The following ROCK2 variants were observed in gnomAD, a reference collection of about 807,000 sequenced individuals.
ROCK2 encodes the protein rho-associated protein kinase 2.
A neutral mutation model predicts 195.1 loss-of-function variants in ROCK2; 61 were observed. That is an observed-to-expected ratio of 0.31 (90% CI 0.25 to 0.39). The LOEUF (loss-of-function observed/expected upper bound fraction) is 0.39. Ranked by LOEUF, ROCK2 falls within the 10% of genes least tolerant of loss-of-function variation. The pLI is 1.00. For synonymous variants in ROCK2, 504 were observed against 545.5 expected, an observed-to-expected ratio of 0.92 and a Z score of 1.06; for missense variants, 1,109 against 1,637.4, an observed-to-expected ratio of 0.68 and a Z score of 5.57.
At chr2:11,265,385 TCTA>T (rs1434212940) in intron 3 of ROCK2, among the ~76,000 whole-genome samples, 1 of 152,214 alleles carries the variant, frequency 6.6e-6, no homozygotes, top group Non-Finnish European at 1.5e-5. Context: ...TTCTCATTAT[TCTA>T]CTGTGAACAT....
intron 1 of ROCK2, among the ~76,000 whole-genome samples, chr2:11,302,582 C>T (rs1572383919): frequency 1.3e-5 from 2 of 152,228 alleles, no homozygotes; most frequent in South Asian, 4.2e-4. Context: ...TTCACATTTG[C>T]TCTAGATTTG....
At chr2:11,219,641 T>C (rs1290604937) in intron 9 of ROCK2, among the ~76,000 whole-genome samples, 3 of 152,106 alleles carry the variant, frequency 2.0e-5, no homozygotes, top group African/African-American at 4.8e-5. Context: ...CTTCATCTTA[T>C]TATCTCATTT....
chr2:11,207,633 G>A (rs1179730109), intron 20 of ROCK2, 93 bp downstream of exon 20: 2 of 954,754 alleles, frequency 2.1e-6, no homozygotes, highest in African/African-American at 3.3e-5. Context: ...GGTCTAGAAA[G>A]TAAAATGCTC....
intron 3 of ROCK2, among the ~76,000 whole-genome samples, chr2:11,259,234 A>G (rs1666139262): frequency 6.6e-6 from 1 of 151,360 alleles, no homozygotes; most frequent in Non-Finnish European, 1.5e-5. Context: ...ACTTTGGGAA[A>G]AGCTGCTCTA....
chr2:11,241,836 A>G (rs1447891781), intron 4 of ROCK2, among the ~76,000 whole-genome samples: 1 of 152,232 alleles, frequency 6.6e-6, no homozygotes, highest in Non-Finnish European at 1.5e-5. Flanking sequence ...TAATGACGGT[A>G]TAACACCGTC....
chr2:11,298,717 G>A (rs1358233184), intron 1 of ROCK2, among the ~76,000 whole-genome samples: 1 of 152,076 alleles, frequency 6.6e-6, no homozygotes, highest in Non-Finnish European at 1.5e-5. Context: ...GGAGGGAGCA[G>A]GTTATGAGAA....
chr2:11,210,322 T>TC (rs1664205043), intron 18 of ROCK2, among the ~76,000 whole-genome samples: 1 of 150,824 alleles, frequency 6.6e-6, no homozygotes, highest in Admixed American at 6.6e-5. Flanking sequence ...ATGAAAATAG[T>TC]CCTTTTTTTT....
chr2:11,271,891 G>C (rs1169180094), intron 3 of ROCK2, among the ~76,000 whole-genome samples: 4 of 151,996 alleles, frequency 2.6e-5, no homozygotes, highest in African/African-American at 4.8e-5. Flanking sequence ...GTGGTGGCGG[G>C]CACCTGTAGT....
intron 5 of ROCK2, among the ~76,000 whole-genome samples, chr2:11,229,029 T>G (rs1558309824): frequency 6.6e-6 from 1 of 152,112 alleles, no homozygotes; most frequent in Non-Finnish European, 1.5e-5. Flanking sequence ...AATGTAAAGT[T>G]CTACACAATG....
chr2:11,233,410 G>A (rs576773417), intron 5 of ROCK2, among the ~76,000 whole-genome samples: 18 of 152,286 alleles, frequency 1.2e-4, no homozygotes, highest in African/African-American at 4.3e-4. Context: ...CTAGTAGTAA[G>A]TAGTTAGAAA....
At chr2:11,213,157 C>T (rs1275093428) in intron 17 of ROCK2, among the ~76,000 whole-genome samples, 2 of 152,148 alleles carry the variant, frequency 1.3e-5, no homozygotes, top group African/African-American at 4.8e-5. Flanking sequence ...CTAAGTCTCC[C>T]ATTATTCCTT....
At chr2:11,224,734 T>A (rs1050286832) in intron 6 of ROCK2, among the ~76,000 whole-genome samples, 5 of 151,734 alleles carry the variant, frequency 3.3e-5, no homozygotes, top group African/African-American at 4.8e-5. Flanking sequence ...TTTTTTTTTT[T>A]AATTTAAGAG....
chr2:11,253,362 G>T (rs1665907043), intron 3 of ROCK2, among the ~76,000 whole-genome samples: 1 of 152,070 alleles, frequency 6.6e-6, no homozygotes, highest in Admixed American at 6.5e-5. Context: ...TACTGGAAAG[G>T]TATTTAAAAA....
chr2:11,222,607 T>C lies in ROCK2; in HGVS notation c.1008-433A>G, dbSNP rs571992111. Among the ~76,000 whole-genome samples, 23 of 152,296 alleles carry C rather than the reference T, an allele frequency of 1.5e-4. No homozygotes were observed. In the South Asian group the frequency reaches 4.8e-3, roughly 32 times the overall value. ...CTCTCCCTTTCCTAAAAAGAATGCATATATTATGTTTGAAGCTATCCATAT... is the reference window on the plus strand; with the variant it reads ...CTCTCCCTTTCCTAAAAAGAATGCACATATTATGTTTGAAGCTATCCATAT... On this transcript the variant is annotated intron_variant, in intron 7 of 32. Coordinates refer to ENST00000315872, the MANE Select transcript of ROCK2 (RefSeq NM_004850.5).
intron 20 of ROCK2, among the ~76,000 whole-genome samples, chr2:11,203,047 T>C (rs749768248): frequency 2.6e-5 from 4 of 152,174 alleles, no homozygotes; most frequent in Non-Finnish European, 4.4e-5. Flanking sequence ...ATTTGTATAC[T>C]TTGTAAAAAT....
At chr2:11,273,094 C>CA (rs34784074) in intron 3 of ROCK2, among the ~76,000 whole-genome samples, 1,479 of 21,676 alleles carry the variant, frequency 0.068, 159 homozygotes, top group African/African-American at 0.076. Context: ...AAATAAGGGT[C>CA]AAAAAAAAAA....
chr2:11,264,095 A>G (rs1156395050), intron 3 of ROCK2, among the ~76,000 whole-genome samples: 1 of 152,186 alleles, frequency 6.6e-6, no homozygotes, highest in Non-Finnish European at 1.5e-5. Context: ...AGCAGGAGGA[A>G]GATGGTCTGC....
At position 11,245,477 on chromosome 2, in the gene ROCK2, C is replaced by G. The variant is rs1412370003; in HGVS notation, c.462+4184G>C. On this transcript the variant is annotated intron_variant, in intron 4 of 32. Coordinates refer to ENST00000315872, the MANE Select transcript of ROCK2 (RefSeq NM_004850.5). Reference sequence around the variant, plus strand: ...GTGGTGAAAGAGAACATCTATTGTACAAAGATAATGTAAACTTGTAAAGAA... The same window carrying G: ...GTGGTGAAAGAGAACATCTATTGTAGAAAGATAATGTAAACTTGTAAAGAA... 3.9e-5 allele frequency among the ~76,000 whole-genome samples: 6 copies of G among 151,996 alleles called. No homozygotes were observed. The South Asian group carries it at 1.2e-3, about 32-fold the overall frequency.
intron 32 of ROCK2, among the ~76,000 whole-genome samples, chr2:11,189,047 AG>A (rs1663315932): frequency 6.6e-6 from 1 of 152,082 alleles, no homozygotes; most frequent in South Asian, 2.1e-4. Flanking sequence ...ACAAAAAAAA[AG>A]AAAAAAGAAG....
Sources: gnomAD v4.1 joint callset for allele counts (sites outside exome capture counted in the v4.1 genomes callset) on GRCh38, gnomAD v4.1.1 for gene constraint, MANE v1.5 for transcripts, NCBI Gene and HGNC (gene_info 2026-07-23, HGNC 2026-07-21) for gene names.